The following HNRNPK variants were observed in gnomAD, a reference collection of about 807,000 sequenced individuals.
The protein encoded by HNRNPK is heterogeneous nuclear ribonucleoprotein K.
Under a neutral mutation model 67.0 loss-of-function variants are expected in HNRNPK, and 7 were observed. That is an observed-to-expected ratio of 0.10 (90% CI 0.06 to 0.20). The LOEUF (loss-of-function observed/expected upper bound fraction) is 0.20, where lower values mean the gene tolerates loss of function less well. Among genes scored for constraint, HNRNPK ranks in the 10% least tolerant of loss-of-function variants. The pLI is 1.00. For missense variants in HNRNPK, 264 were observed against 606.5 expected (o/e 0.44, Z 5.93); for synonymous variants, 213 against 193.7 (o/e 1.10, Z -0.83).
At chr9:83,975,528 T>C (rs759973419) in intron 5 of HNRNPK, 23 bp from the exon 6 acceptor site, 1 of 1,597,914 alleles carries the variant, frequency 6.3e-7, no homozygotes, top group Admixed American at 1.7e-5. Context: ...TTGGCGTTCG[T>C]GGATGTTGGC....
chr9:83,977,831 C>T, intron 3 of HNRNPK, 45 bp from the exon 4 acceptor site: 1 of 1,162,432 alleles, frequency 8.6e-7, no homozygotes, highest in South Asian at 1.3e-5. Context: ...GCGAAGTCTC[C>T]AAAGTAACTC....
chr9:83,977,150 G>C, intron 4 of HNRNPK, 99 bp from the exon 5 acceptor site: 1 of 772,100 alleles, frequency 1.3e-6, no homozygotes, highest in South Asian at 1.6e-5. Flanking sequence ...TAACCTGTTT[G>C]TTATAAGAAT....
chr9:83,970,105 A>G, intron 16 of HNRNPK, 57 bp downstream of exon 16: 5 of 1,408,708 alleles, frequency 3.5e-6, no homozygotes, highest in Non-Finnish European at 4.9e-6. Context: ...TTGAGAAGAA[A>G]AGCTTTTTAA....
chr9:83,968,312 T>C lies in HNRNPK; in HGVS notation c.*1095A>G, dbSNP rs1054445219. 6.6e-6 allele frequency: 1 copy of C among 152,362 alleles called. No individual in the cohort carries two copies. Among genetic ancestry groups the C allele is most frequent in the African/African-American group, 2.4e-5 (1 of 41,366 alleles). 9.4% of individuals were successfully genotyped at this position (152,362 alleles called of 1,614,324 possible). On this transcript the variant is annotated 3_prime_UTR_variant, in exon 17 of 17. Coordinates refer to ENST00000376263, the MANE Select transcript of HNRNPK (RefSeq NM_031263.4). ...GAATTGTACACAAACATTTCCTACA[T>C]AATCCAACATACAACAGAGAAATGG...
chr9:83,974,028 T>C (rs1195116564), intron 7 of HNRNPK, 55 bp from the exon 8 acceptor site: 2 of 1,159,710 alleles, frequency 1.7e-6, no homozygotes, highest in African/African-American at 3.0e-5. Context: ...ATCAGGCTAT[T>C]GTCGCATATA....
At chr9:83,970,682 G>A (rs952164009) in intron 15 of HNRNPK, 55 bp downstream of exon 15, 94 of 1,106,178 alleles carry the variant, frequency 8.5e-5, no homozygotes, top group East Asian at 1.2e-4. Flanking sequence ...TATACAGAAA[G>A]GAGGAATAAT....
At position 83,971,905 on chromosome 9, in the gene HNRNPK, A is replaced by T. The variant is rs778958822; in HGVS notation, c.930T>A (p.Pro310=). 7 of 1,559,948 alleles carry T rather than the reference A, an allele frequency of 4.5e-6. No individual in the cohort carries two copies. Among genetic ancestry groups the T allele is most frequent in the Non-Finnish European group, 6.1e-6 (7 of 1,154,344 alleles). Reference sequence around the variant, plus strand: ...ACCCCCCTCTAGGTGGTGGTGGTGGAGGAAGAGGAAGATTCCGAGCTCTGC... The same window carrying T: ...ACCCCCCTCTAGGTGGTGGTGGTGGTGGAAGAGGAAGATTCCGAGCTCTGC... ...GGSRARNLPL[P]PPPPPRGGDL... is the part of the protein sequence containing the mutation. The change falls in exon 11 of 17, where the codon CCT becomes CCA. Residue 310 remains proline, a synonymous_variant. Transcript: ENST00000376263.
intron 5 of HNRNPK, 75 bp downstream of exon 5, chr9:83,976,920 G>T: frequency 2.6e-6 from 2 of 783,572 alleles, no homozygotes; most frequent in Non-Finnish European, 4.3e-6. Context: ...TGATTTCTAG[G>T]ATGTAAATCT....
chr9:83,974,685 T>G, intron 6 of HNRNPK, 96 bp from the exon 7 acceptor site: 1 of 748,148 alleles, frequency 1.3e-6, no homozygotes, highest in Non-Finnish European at 2.3e-6. Context: ...TTCACAGAGA[T>G]GTAACACATG....
At position 83,969,444 on chromosome 9, in the gene HNRNPK, T is replaced by A. The variant is rs773046436; in HGVS notation, c.1362-4A>T. On this transcript the variant is annotated splice_polypyrimidine_tract_variant and splice_region_variant and intron_variant, in intron 16 of 16. Transcript: ENST00000376263. ...AACATCTGCATACTGCTTCACACTATAAAAGAAAAGAAAAAAAAGTGCGAA... is the reference window on the plus strand; with the variant it reads ...AACATCTGCATACTGCTTCACACTAAAAAAGAAAAGAAAAAAAAGTGCGAA... 6.4e-7 allele frequency: 1 copy of A among 1,570,196 alleles called. No homozygotes were observed. The highest frequency in any genetic ancestry group is 8.7e-7 in the Non-Finnish European group (1 of 1,153,796).
intron 6 of HNRNPK, 140 bp from the exon 7 acceptor site, chr9:83,974,729 TTATA>T (rs1421036247): frequency 3.3e-6 from 2 of 613,252 alleles, no homozygotes; most frequent in Admixed American, 3.0e-5. Context: ...AGTAGCCTAT[TTATA>T]GATTTCTCAC....
chr9:83,974,803 G>A (rs1458876041), intron 6 of HNRNPK, among the ~76,000 whole-genome samples: 1 of 152,204 alleles, frequency 6.6e-6, no homozygotes, highest in African/African-American at 2.4e-5. Context: ...CTTGCAGAGA[G>A]ACAGAGAGAA....
chr9:83,976,104 G>C (rs921258588), intron 5 of HNRNPK, among the ~76,000 whole-genome samples: 2 of 152,012 alleles, frequency 1.3e-5, no homozygotes, highest in Non-Finnish European at 2.9e-5. Context: ...TAACTAATAA[G>C]ACTGGTTTGG....
At chr9:83,977,170 T>C (rs1034397061) in intron 4 of HNRNPK, 119 bp from the exon 5 acceptor site, 39 of 716,142 alleles carry the variant, frequency 5.4e-5, no homozygotes, top group Non-Finnish European at 8.8e-5. Context: ...TAAAAATCTA[T>C]TTGGGGTTGT....
chr9:83,975,499 C>CA lies in HNRNPK; in HGVS notation c.219dup (p.Ala74CysfsTer20), dbSNP rs1374528760. On this transcript the variant is annotated frameshift_variant, in exon 6 of 17. Transcript: ENST00000376263. LOFTEE classifies it high-confidence loss of function. ...CTGCTGTCTGGGACTGAAACACTGG[C>CA]ATTGTACTGCATTGGTCATTGGCGT... The CA allele has an allele frequency of 6.2e-7, 1 of 1,613,434 alleles. No individual in the cohort carries two copies. Among genetic ancestry groups the CA allele is most frequent in the East Asian group, 2.2e-5 (1 of 44,888 alleles).
chr9:83,972,184 G>A lies in HNRNPK; in HGVS notation c.651C>T (p.Pro217=). 1.9e-6 allele frequency: 3 copies of A among 1,587,884 alleles called. No individual in the cohort carries two copies. The highest frequency in any genetic ancestry group is 1.4e-5 in the African/African-American group (1 of 73,916). Residue 217 remains proline, a synonymous_variant, in exon 11 of 17, where the codon CCC becomes CCT. Transcript: ENST00000376263. ...KIILDLISES[P]IKGRAQPYDP... ...CATAAGGCTGTGCACGTCCTTTGATGGGAGACTAAAAACAGAGATGGAACA... is the reference window on the plus strand; with the variant it reads ...CATAAGGCTGTGCACGTCCTTTGATAGGAGACTAAAAACAGAGATGGAACA...
At chr9:83,971,498 C>T (rs1956839564) in intron 12 of HNRNPK, 142 bp from the exon 13 acceptor site, 1 of 803,200 alleles carries the variant, frequency 1.2e-6, no homozygotes, top group Admixed American at 2.1e-5. Flanking sequence ...GGGAACAAAG[C>T]TCAATAAAGT....
chr9:83,978,173 TAAAAC>T lies in HNRNPK; in HGVS notation c.58+17_58+21del. The T allele has an allele frequency of 2.0e-6, 3 of 1,510,588 alleles. No homozygotes were observed. The highest frequency in any genetic ancestry group is 2.8e-6 in the Non-Finnish European group (3 of 1,086,802). The allele number at this position is 1,510,588 out of a possible 1,614,324, so 93.6% of individuals were successfully genotyped here. A position where few individuals can be genotyped will look rare whatever the true frequency, so the allele number is the denominator to read the frequency against. On this transcript the variant is annotated intron_variant, in intron 3 of 16. Coordinates refer to ENST00000376263, the MANE Select transcript of HNRNPK (RefSeq NM_031263.4). The stretch of plus-strand genomic sequence containing the variant: ...TATTAACAGGATAAAAAAATACTGT[TAAAAC>T]TAAAATTTCTTCTCACCAAATTCAC...
Position 83,970,881 on chromosome 9 carries a change from A to C in HNRNPK, c.1108+16T>G, listed in dbSNP as rs150482206. On this transcript the variant is annotated intron_variant, in intron 14 of 16. Transcript: ENST00000376263. ...GTATGAAATTAATGTTTGACTTCAC[A>C]AAGGAGAGAACTTACCATATCCGGA... 1 of 1,612,310 alleles carries C rather than the reference A, an allele frequency of 6.2e-7. No individual in the cohort carries two copies. The highest frequency in any genetic ancestry group is 8.5e-7 in the Non-Finnish European group (1 of 1,178,384).
Sources: allele counts gnomAD v4.1 joint callset (sites outside exome capture counted in the v4.1 genomes callset), GRCh38; gene constraint gnomAD v4.1.1; transcripts MANE v1.5; gene names NCBI Gene and HGNC (gene_info 2026-07-23, HGNC 2026-07-21).